The following CCDC110 variants were observed in gnomAD, a reference collection of about 807,000 sequenced individuals.
CCDC110 encodes coiled-coil domain containing 110.
CCDC110 carries 70 observed loss-of-function variants against 77.1 expected under a neutral mutation model. The ratio of observed to expected loss-of-function variants is 0.91; its 90% CI spans 0.75 to 1.11. CCDC110 has a LOEUF of 1.11. Ranked by LOEUF, CCDC110 falls within the 50% of genes least tolerant of loss-of-function variation. CCDC110 has a pLI of 0.00. For synonymous variants in CCDC110, 295 were observed against 312.5 expected, an observed-to-expected ratio of 0.94 and a Z score of 0.59; for missense variants, 868 against 942.9, an observed-to-expected ratio of 0.92 and a Z score of 1.04.
chr4:185,471,692 C>T lies in CCDC110; in HGVS notation c.-9G>A. 1 of 1,545,294 alleles carries T rather than the reference C, an allele frequency of 6.5e-7. No homozygotes were observed. The highest frequency in any genetic ancestry group is 8.7e-7 in the Non-Finnish European group (1 of 1,149,968). On this transcript the variant is annotated 5_prime_UTR_variant, in exon 1 of 7. Transcript: ENST00000307588. ...CTCTTACCCGGGCTCATCGCCGCGG[C>T]TCATCTCTCTCGCAACCGCCGCCGC...
rs780508472 is a variant in CCDC110, at chr4:185,460,088, C to T, written c.499G>A (p.Glu167Lys). The T allele has an allele frequency of 1.2e-5, 19 of 1,613,766 alleles. No homozygotes were observed. Among genetic ancestry groups the T allele is most frequent in the Middle Eastern group, 1.7e-4 (1 of 6,058 alleles). Reference sequence around the variant, plus strand: ...GAAGTTCTCAGAGTTAATGTGTCCTCGGAATGTATCTGGGATGGAACATTT... The same window carrying T: ...GAAGTTCTCAGAGTTAATGTGTCCTTGGAATGTATCTGGGATGGAACATTT... ...SVNVPSQIHS[E>K]DTLTLRTSTD... The change falls in exon 6 of 7, where the codon GAG becomes AAG. Residue 167 changes from glutamate to lysine, a missense_variant. Glu to Lys is a moderately conservative substitution (Grantham distance 56, BLOSUM62 1). Transcript: ENST00000307588.
In CCDC110 at chr4:185,445,306, C is replaced by T. The variant is rs543978783; in HGVS notation, c.*196G>A. 4.2e-6 allele frequency: 3 copies of T among 708,846 alleles called. No homozygotes were observed. The highest frequency in any genetic ancestry group is 1.8e-5 in the African/African-American group (1 of 56,016). 43.9% of individuals were successfully genotyped at this position (708,846 alleles called of 1,614,324 possible). ...ACCTGCCCTCCCTTGTAGAAGTTCT[C>T]CCCCATCTTCTGAAATTCCCAGCTG... On this transcript the variant is annotated 3_prime_UTR_variant, in exon 7 of 7. Transcript: ENST00000307588.
intron 6 of CCDC110, among the ~76,000 whole-genome samples, chr4:185,448,816 C>T (rs973887245): frequency 1.3e-5 from 2 of 152,100 alleles, no homozygotes; most frequent in African/African-American, 2.4e-5. Context: ...TTCTATGTGT[C>T]CTCTTCTATC....
chr4:185,448,287 C>T (rs899205589), intron 6 of CCDC110, among the ~76,000 whole-genome samples: 3 of 151,464 alleles, frequency 2.0e-5, no homozygotes, highest in African/African-American at 7.2e-5. Context: ...TCCCAAAGTG[C>T]TGGGATTAAG....
chr4:185,449,825 A>T, intron 6 of CCDC110: 1 of 440,022 alleles, frequency 2.3e-6, no homozygotes, highest in Non-Finnish European at 4.1e-6. Context: ...ATTTGCTAAT[A>T]ACACGTGGTT....
Position 185,459,761 on chromosome 4 carries a change from G to T in CCDC110, c.826C>A (p.His276Asn). Residue 276 changes from histidine to asparagine, a missense_variant, in exon 6 of 7, where the codon CAC becomes AAC. Physicochemically the swap from His to Asn is moderately conservative, Grantham distance 68. Transcript: ENST00000307588. ...LQTLQTDPDV[H>N]RNGKYDMSPI... ...GACATGTCATATTTACCATTCCTGT[G>T]AACATCTGGATCAGTTTGTAAAGTC... 6.2e-7 allele frequency: 1 copy of T among 1,613,622 alleles called. No homozygotes were observed. The highest frequency in any genetic ancestry group is 1.1e-5 in the South Asian group (1 of 91,054).
chr4:185,447,216 C>T (rs189390590), intron 6 of CCDC110, among the ~76,000 whole-genome samples: 1 of 149,236 alleles, frequency 6.7e-6, no homozygotes, highest in East Asian at 2.0e-4. Flanking sequence ...GAGTCTCACT[C>T]TGTCGCCCAG....
In CCDC110 at chr4:185,460,100, G is replaced by C. The variant is rs995869924; in HGVS notation, c.487C>G (p.Gln163Glu). The C allele has an allele frequency of 1.1e-5, 17 of 1,613,570 alleles. No individual in the cohort carries two copies. Among genetic ancestry groups the C allele is most frequent in the Non-Finnish European group, 1.3e-5 (15 of 1,179,924 alleles). Residue 163 changes from glutamine (Q) to glutamate (E), a missense_variant, in exon 6 of 7, where the codon CAG (glutamine) becomes GAG (glutamate). Gln to Glu is a conservative substitution (Grantham distance 29, BLOSUM62 2). Transcript: ENST00000307588. ...GTTAATGTGTCCTCGGAATGTATCT[G>C]GGATGGAACATTTACACTTTGAGGG... ...SLPQSVNVPS[Q>E]IHSEDTLTLR... is the part of the protein sequence containing the mutation.
rs1225225310 is a variant in CCDC110, at chr4:185,461,919, G to A, written c.237+724C>T. Among the ~76,000 whole-genome samples, 4 of 152,164 alleles carry A rather than the reference G, an allele frequency of 2.6e-5. No individual in the cohort carries two copies. The South Asian group carries it at 6.2e-4, about 24-fold the overall frequency. ...TTAAGACCAGCCTGGCTAATGTGGCGAAACCTGGTCTCTACTAAAAATACA... is the reference window on the plus strand; with the variant it reads ...TTAAGACCAGCCTGGCTAATGTGGCAAAACCTGGTCTCTACTAAAAATACA... On this transcript the variant is annotated intron_variant, in intron 4 of 6. Coordinates refer to ENST00000307588, the MANE Select transcript of CCDC110 (RefSeq NM_152775.4).
At chr4:185,446,343 T>G (rs1192267300) in intron 6 of CCDC110, among the ~76,000 whole-genome samples, 1 of 152,224 alleles carries the variant, frequency 6.6e-6, no homozygotes. Flanking sequence ...AAGTTGATAC[T>G]GTCTTAAAAC....
intron 2 of CCDC110, chr4:185,470,538 A>G (rs1397175530): frequency 1.0e-5 from 4 of 383,694 alleles, no homozygotes; most frequent in Non-Finnish European, 1.1e-5. Flanking sequence ...GGCTGACTGC[A>G]TATCGTTTTA....
At chr4:185,464,072 G>C (rs974965991) in intron 2 of CCDC110, among the ~76,000 whole-genome samples, 2 of 152,136 alleles carry the variant, frequency 1.3e-5, no homozygotes, top group East Asian at 3.8e-4. Flanking sequence ...TGCATGTTAG[G>C]CTGCTTGCTT....
In CCDC110 at chr4:185,470,986, T is replaced by A. The variant is rs745568413; in HGVS notation, c.74A>T (p.Asn25Ile). ...SVLLSASKILNSSEGVKESGC... is the reference protein window; with the variant it reads ...SVLLSASKILISSEGVKESGC... The stretch of plus-strand genomic sequence containing the variant: ...ACTTTCCTTCACCCCCTCCGAAGAA[T>A]TTAGGATCTTGGACGCTGAAAGGAG... The change falls in exon 2 of 7, where the codon AAT becomes ATT. Residue 25 changes from asparagine to isoleucine, a missense_variant. Asn to Ile is a moderately radical substitution (Grantham distance 149). Transcript: ENST00000307588. 4 of 1,609,740 alleles carry A rather than the reference T, an allele frequency of 2.5e-6. No individual in the cohort carries two copies. Among genetic ancestry groups the A allele is most frequent in the Non-Finnish European group, 3.4e-6 (4 of 1,179,016 alleles).
In CCDC110 at chr4:185,462,646, G is replaced by A. The variant is rs1561165624; in HGVS notation, c.234C>T (p.Ser78=). The change falls in exon 4 of 7, where the codon AGC becomes AGT. Residue 78 remains serine (S), a synonymous_variant. Transcript: ENST00000307588. ...ALRMQTLQNV[S]MVQSEISEIL... is the part of the protein sequence containing the mutation. ...ATATAGATCAAAAGAAACATACCAT[G>A]CTGACATTCTGCAAAGTCTGCATTC... 6.2e-7 allele frequency: 1 copy of A among 1,612,102 alleles called. No homozygotes were observed. Among genetic ancestry groups the A allele is most frequent in the Non-Finnish European group, 8.5e-7 (1 of 1,178,150 alleles).
At chr4:185,448,509 T>A (rs2095621287) in intron 6 of CCDC110, among the ~76,000 whole-genome samples, 4 of 152,222 alleles carry the variant, frequency 2.6e-5, no homozygotes, top group Non-Finnish European at 4.4e-5. Flanking sequence ...TCACATTTTC[T>A]GAATTAACAA....
At chr4:185,448,090 G>A (rs573999491) in intron 6 of CCDC110, among the ~76,000 whole-genome samples, 19 of 151,572 alleles carry the variant, frequency 1.3e-4, no homozygotes, top group African/African-American at 4.6e-4. Flanking sequence ...GTGTGATCTC[G>A]GCTCACTGCA....
intron 6 of CCDC110, among the ~76,000 whole-genome samples, chr4:185,455,609 C>T (rs945626973): frequency 3.3e-5 from 5 of 152,150 alleles, no homozygotes; most frequent in East Asian, 1.9e-4. Context: ...TTTGGCCAGG[C>T]GCGGTGGCTT....
At chr4:185,453,959 G>A (rs1187829096) in intron 6 of CCDC110, among the ~76,000 whole-genome samples, 10 of 151,660 alleles carry the variant, frequency 6.6e-5, no homozygotes, top group Non-Finnish European at 1.3e-4. Flanking sequence ...GATTACAGGC[G>A]CCTGCCAACC....
intron 6 of CCDC110, among the ~76,000 whole-genome samples, chr4:185,446,961 T>C (rs1171641411): frequency 6.6e-6 from 1 of 152,100 alleles, no homozygotes; most frequent in Admixed American, 6.5e-5. Flanking sequence ...ATGAAATACA[T>C]GTACTTTCTT....
Sources: gnomAD v4.1 joint callset for allele counts (sites outside exome capture counted in the v4.1 genomes callset) on GRCh38, gnomAD v4.1.1 for gene constraint, MANE v1.5 for transcripts, NCBI Gene and HGNC (gene_info 2026-07-23, HGNC 2026-07-21) for gene names.